HSD17B2: variants seen among roughly 807,000 people sequenced by gnomAD.
HSD17B2 encodes the protein hydroxysteroid 17-beta dehydrogenase 2.
HSD17B2 carries 32 observed loss-of-function variants against 26.9 expected under a neutral mutation model. That is an observed-to-expected ratio of 1.19 (90% CI 0.90 to 1.60). HSD17B2 has a LOEUF of 1.60. Ranked by LOEUF, HSD17B2 falls within the 40% of genes most tolerant of loss-of-function variation. The pLI is 0.00. For missense variants in HSD17B2, 613 were observed against 468.6 expected (o/e 1.31, Z -2.85); for synonymous variants, 246 against 186.7 (o/e 1.32, Z -2.59).
chr16:82,066,383 T>C (rs555404627), intron 1 of HSD17B2, among the ~76,000 whole-genome samples: 1 of 152,280 alleles, frequency 6.6e-6, no homozygotes, highest in East Asian at 1.9e-4. Context: ...TACACACACC[T>C]TTTGCCATGA....
intron 4 of HSD17B2, chr16:82,092,920 C>T (rs1268894150): frequency 6.6e-6 from 1 of 152,102 alleles, no homozygotes; most frequent in Admixed American, 6.6e-5. Flanking sequence ...AAGAGAATTC[C>T]AACACACAGA....
chr16:82,098,214 C>T lies in HSD17B2; in HGVS notation c.942C>T (p.Ala314=). ...RNFLLLINSL[A]SKDFSPVLRD... Reference sequence around the variant, plus strand: ...TCCTCCTATTGATCAACTCGTTAGCCAGCAAGGACTTCTCTCCGGTGCTGC... The same window carrying T: ...TCCTCCTATTGATCAACTCGTTAGCTAGCAAGGACTTCTCTCCGGTGCTGC... The change falls in exon 5 of 5, where the codon GCC becomes GCT. Residue 314 remains alanine, a synonymous_variant. Coordinates refer to ENST00000199936, the MANE Select transcript of HSD17B2 (RefSeq NM_002153.3). 2.5e-6 allele frequency: 4 copies of T among 1,614,190 alleles called. No individual in the cohort carries two copies. The highest frequency in any genetic ancestry group is 3.4e-6 in the Non-Finnish European group (4 of 1,180,024).
At chr16:82,040,589 C>T (rs565082781) in intron 1 of HSD17B2, among the ~76,000 whole-genome samples, 30 of 152,302 alleles carry the variant, frequency 2.0e-4, no homozygotes, top group Admixed American at 1.8e-3. Context: ...GGATATAAAA[C>T]GTGTCCATTC....
At chr16:82,090,299 A>ATTTTTTT (rs1904646987) in intron 3 of HSD17B2, 1 of 63,378 alleles carries the variant, frequency 1.6e-5, no homozygotes, top group African/African-American at 9.5e-5. Context: ...CCTAAACTAC[A>ATTTTTTT]TTGTTTTTTT....
intron 1 of HSD17B2, among the ~76,000 whole-genome samples, chr16:82,065,523 G>A (rs531156992): frequency 2.0e-5 from 3 of 152,304 alleles, no homozygotes; most frequent in Non-Finnish European, 2.9e-5. Context: ...TAAGGCAGAA[G>A]CATAAGGTAT....
chr16:82,040,560 A>T (rs967695612), intron 1 of HSD17B2, among the ~76,000 whole-genome samples: 3 of 152,246 alleles, frequency 2.0e-5, no homozygotes, highest in African/African-American at 7.2e-5. Context: ...AGTTGGTATT[A>T]GACCACAAAG....
At chr16:82,097,206 A>ATGTC (rs1904865200) in intron 4 of HSD17B2, 12 of 96,998 alleles carry the variant, frequency 1.2e-4, no homozygotes, top group African/African-American at 3.8e-4. Flanking sequence ...ATTTCTGTGT[A>ATGTC]TATGTCTATG....
chr16:82,066,850 T>C (rs2143975278), intron 1 of HSD17B2, among the ~76,000 whole-genome samples: 1 of 152,348 alleles, frequency 6.6e-6, no homozygotes, highest in Non-Finnish European at 1.5e-5. Context: ...CTTATTCCAT[T>C]TTGTGTACCG....
chr16:82,070,351 A>T (rs999469106), intron 2 of HSD17B2, among the ~76,000 whole-genome samples: 2 of 152,164 alleles, frequency 1.3e-5, no homozygotes, highest in African/African-American at 4.8e-5. Flanking sequence ...ACCACTGCAT[A>T]GCACTACGAC....
intron 3 of HSD17B2, among the ~76,000 whole-genome samples, chr16:82,090,525 G>T (rs1386213094): frequency 1.3e-5 from 2 of 151,846 alleles, no homozygotes; most frequent in African/African-American, 4.8e-5. Context: ...CACCATGTTG[G>T]CCAGGTTGGT....
intron 1 of HSD17B2, among the ~76,000 whole-genome samples, chr16:82,054,211 A>G (rs1276319784): frequency 2.7e-5 from 4 of 150,614 alleles, no homozygotes; most frequent in African/African-American, 9.8e-5. Flanking sequence ...ACATATCGAA[A>G]AAAAAAAAAA....
chr16:82,055,670 G>A (rs866527350), intron 1 of HSD17B2, among the ~76,000 whole-genome samples: 7 of 152,212 alleles, frequency 4.6e-5, no homozygotes, highest in Admixed American at 1.3e-4. Context: ...TCCAGACAGC[G>A]TACTGTATCC....
At chr16:82,082,414 A>G (rs1904408500) in intron 3 of HSD17B2, among the ~76,000 whole-genome samples, 1 of 152,210 alleles carries the variant, frequency 6.6e-6, no homozygotes, top group Non-Finnish European at 1.5e-5. Context: ...TTGAATATGC[A>G]TATGAATATA....
chr16:82,097,795 C>A lies in HSD17B2; in HGVS notation c.803-280C>A, dbSNP rs8191242. ...GTCTACTAAAAATATAAAAATTAGC[C>A]GGGCATGTTGGTGATGCCTGTAATC... On this transcript the variant is annotated intron_variant, in intron 4 of 4. Coordinates refer to ENST00000199936, the MANE Select transcript of HSD17B2 (RefSeq NM_002153.3). 8.8e-3 allele frequency: 1,902 copies of A among 216,906 alleles called. 42 individuals carry two copies. Among genetic ancestry groups the A allele is most frequent in the African/African-American group, 0.041 (1,801 of 43,858 alleles). The allele number at this position is 216,906 out of a possible 1,614,324, so 13.4% of individuals were successfully genotyped here.
intron 1 of HSD17B2, among the ~76,000 whole-genome samples, chr16:82,057,814 C>T (rs542643295): frequency 6.6e-6 from 1 of 152,300 alleles, no homozygotes; most frequent in East Asian, 1.9e-4. Flanking sequence ...CTGATGAGCA[C>T]TCCGTCAAAC....
At chr16:82,063,458 C>T (rs74029369) in intron 1 of HSD17B2, among the ~76,000 whole-genome samples, 3,185 of 152,092 alleles carry the variant, frequency 0.021, 101 homozygotes, top group African/African-American at 0.071. Flanking sequence ...GGGCTAGACT[C>T]GCACCCATTC....
intron 3 of HSD17B2, 110 bp from the exon 4 acceptor site, chr16:82,090,792 C>A: frequency 9.2e-7 from 1 of 1,085,220 alleles, no homozygotes; most frequent in Non-Finnish European, 1.3e-6. Context: ...CTTTGTCTGC[C>A]CAAGTCACTG....
At chr16:82,042,559 G>A (rs1913795550) in intron 1 of HSD17B2, among the ~76,000 whole-genome samples, 1 of 152,124 alleles carries the variant, frequency 6.6e-6, no homozygotes, top group African/African-American at 2.4e-5. Flanking sequence ...ATCTTTGTGT[G>A]TGAAATCTCC....
At chr16:82,041,945 TA>T (rs960600756) in intron 1 of HSD17B2, among the ~76,000 whole-genome samples, 2 of 151,914 alleles carry the variant, frequency 1.3e-5, no homozygotes, top group African/African-American at 4.8e-5. Context: ...TGGCATGTTT[TA>T]AAAAAAATTT....
Sources: gnomAD v4.1 joint callset for allele counts (sites outside exome capture counted in the v4.1 genomes callset) on GRCh38, gnomAD v4.1.1 for gene constraint, MANE v1.5 for transcripts, NCBI Gene and HGNC (gene_info 2026-07-23, HGNC 2026-07-21) for gene names.